Variants in DNAJC1 observed in about 807,000 individuals in gnomAD.
The protein encoded by DNAJC1 is DnaJ heat shock protein family (Hsp40) member C1.
Under a neutral mutation model 76.6 loss-of-function variants are expected in DNAJC1, and 58 were observed. The observed-to-expected ratio is 0.76, with a 90% CI of 0.61 to 0.94. DNAJC1 has a LOEUF of 0.94. Among genes scored for constraint, DNAJC1 ranks in the 40% least tolerant of loss-of-function variants. The probability of loss-of-function intolerance (pLI) is 0.00; values close to 1 mark genes in which losing one functional copy is unlikely to be tolerated. For missense variants in DNAJC1, 689 were observed against 677.3 expected, an observed-to-expected ratio of 1.02 and a Z score of -0.19; for synonymous variants, 258 against 267.9, an observed-to-expected ratio of 0.96 and a Z score of 0.36.
intron 8 of DNAJC1, among the ~76,000 whole-genome samples, chr10:21,835,328 C>T (rs150170030): frequency 0.012 from 1,838 of 152,162 alleles, 28 homozygotes; most frequent in African/African-American, 0.041. Context: ...CCCATCTGTA[C>T]GTCACCATCA....
intron 8 of DNAJC1, among the ~76,000 whole-genome samples, chr10:21,826,067 T>C (rs1287917231): frequency 6.6e-6 from 1 of 151,856 alleles, no homozygotes; most frequent in Non-Finnish European, 1.5e-5. Context: ...CAAAACCCTG[T>C]CTCTACTAAA....
At chr10:21,998,754 T>C (rs192338366) in intron 1 of DNAJC1, among the ~76,000 whole-genome samples, 254 of 152,350 alleles carry the variant, frequency 1.7e-3, no homozygotes, top group African/African-American at 5.8e-3. Flanking sequence ...AAGATTCTTC[T>C]GCTGCCTGAA....
chr10:21,990,000 T>C (rs1838303358), intron 1 of DNAJC1, among the ~76,000 whole-genome samples: 1 of 152,212 alleles, frequency 6.6e-6, no homozygotes, highest in South Asian at 2.1e-4. Context: ...GTGCAATTCT[T>C]AACAATGCCA....
intron 1 of DNAJC1, among the ~76,000 whole-genome samples, chr10:21,967,469 T>C (rs865984863): frequency 1.3e-5 from 2 of 152,222 alleles, no homozygotes; most frequent in Non-Finnish European, 2.9e-5. Flanking sequence ...GTCCCAGACC[T>C]GGAACCAACC....
intron 7 of DNAJC1, among the ~76,000 whole-genome samples, chr10:21,883,369 A>G (rs1836314892): frequency 6.6e-6 from 1 of 151,698 alleles, no homozygotes; most frequent in Non-Finnish European, 1.5e-5. Flanking sequence ...GCCTCATAAG[A>G]GTATTTTCAC....
intron 1 of DNAJC1, among the ~76,000 whole-genome samples, chr10:21,936,183 CT>C (rs1304593182): frequency 2.0e-5 from 3 of 152,068 alleles, no homozygotes; most frequent in African/African-American, 7.2e-5. Flanking sequence ...AGAGCTGTCC[CT>C]TTTTTGCCCT....
rs79096730 is a variant in DNAJC1, at chr10:21,833,543, G to A, written c.979-27444C>T. ...AACCAGTGAAGTGGGTGTGAATCAC[G>A]GCTATGTCATGTATTAGCTAAGCAG... is the stretch of plus-strand genomic sequence containing the variant. On this transcript the variant is annotated intron_variant, in intron 8 of 11. Coordinates refer to ENST00000376980, the MANE Select transcript of DNAJC1 (RefSeq NM_022365.4). 7.1e-3 allele frequency among the ~76,000 whole-genome samples: 1,083 copies of A among 152,220 alleles called. 5 individuals are homozygous for A. The highest frequency in any genetic ancestry group is 0.012 in the Non-Finnish European group (804 of 68,020).
intron 1 of DNAJC1, among the ~76,000 whole-genome samples, chr10:22,002,544 T>C (rs1838537220): frequency 6.6e-6 from 1 of 152,196 alleles, no homozygotes; most frequent in South Asian, 2.1e-4. Flanking sequence ...CCAAGTCCTT[T>C]GCTGCTCAAA....
intron 9 of DNAJC1, among the ~76,000 whole-genome samples, chr10:21,775,695 A>G (rs2131624275): frequency 6.6e-6 from 1 of 152,290 alleles, no homozygotes; most frequent in East Asian, 1.9e-4. Flanking sequence ...CAAATAGTAC[A>G]TAATACATTT....
chr10:21,830,834 C>T (rs903382462), intron 8 of DNAJC1, among the ~76,000 whole-genome samples: 1 of 152,146 alleles, frequency 6.6e-6, no homozygotes, highest in African/African-American at 2.4e-5. Context: ...TCAATTCAAA[C>T]ATTTTTTAAA....
intron 8 of DNAJC1, among the ~76,000 whole-genome samples, chr10:21,835,080 T>G (rs1341944913): frequency 6.6e-6 from 1 of 151,622 alleles, no homozygotes; most frequent in Non-Finnish European, 1.5e-5. Flanking sequence ...CACCCCCCAG[T>G]AGGGGCGGAA....
At chr10:21,905,009 C>G (rs1042250934) in intron 6 of DNAJC1, among the ~76,000 whole-genome samples, 1 of 151,916 alleles carries the variant, frequency 6.6e-6, no homozygotes, top group Non-Finnish European at 1.5e-5. Flanking sequence ...TTCATATTAG[C>G]CCTTTAACTA....
At chr10:21,773,759 A>G (rs911539208) in intron 9 of DNAJC1, among the ~76,000 whole-genome samples, 6 of 148,752 alleles carry the variant, frequency 4.0e-5, no homozygotes, top group East Asian at 3.9e-4. Context: ...TATAATTGTT[A>G]TATCTTCCTG....
intron 8 of DNAJC1, among the ~76,000 whole-genome samples, chr10:21,843,746 T>TA (rs1465242596): frequency 1.3e-5 from 2 of 151,766 alleles, no homozygotes; most frequent in African/African-American, 4.8e-5. Context: ...TACAATCTTT[T>TA]TTTTTTTTTT....
chr10:21,957,674 AT>A (rs1837713300), intron 1 of DNAJC1, among the ~76,000 whole-genome samples: 1 of 152,048 alleles, frequency 6.6e-6, no homozygotes, highest in East Asian at 1.9e-4. Flanking sequence ...CTTTTCAGTT[AT>A]TTAGTCTCTT....
At chr10:21,960,619 G>A (rs1032578665) in intron 1 of DNAJC1, among the ~76,000 whole-genome samples, 1 of 152,194 alleles carries the variant, frequency 6.6e-6, no homozygotes, top group African/African-American at 2.4e-5. Context: ...GAGCCCTGGA[G>A]GTTGAGGCTG....
chr10:21,932,304 C>G lies in DNAJC1; in HGVS notation c.223-3163G>C, dbSNP rs116876274. On this transcript the variant is annotated intron_variant, in intron 1 of 11. Coordinates refer to ENST00000376980, the MANE Select transcript of DNAJC1 (RefSeq NM_022365.4). ...GCAGTGAGCCACGATTGCACCACTA[C>G]ACTCCAGCCCGGGTGACACAGTGAA... Among the ~76,000 whole-genome samples, 310 of 152,292 alleles carry G rather than the reference C, an allele frequency of 2.0e-3. 1 individual carries two copies. The highest frequency in any genetic ancestry group is 3.7e-3 in the Non-Finnish European group (249 of 68,032).
At chr10:21,768,602 T>G (rs1834330546) in intron 9 of DNAJC1, among the ~76,000 whole-genome samples, 1 of 152,226 alleles carries the variant, frequency 6.6e-6, no homozygotes, top group Admixed American at 6.5e-5. Context: ...TGTTTTCCAT[T>G]CATACAAAGA....
intron 8 of DNAJC1, among the ~76,000 whole-genome samples, chr10:21,843,541 G>A (rs974729739): frequency 4.0e-5 from 6 of 151,622 alleles, no homozygotes; most frequent in Non-Finnish European, 7.4e-5. Flanking sequence ...GTACAGGCAC[G>A]TGCCACCATG....
Sources: allele counts gnomAD v4.1 joint callset (sites outside exome capture counted in the v4.1 genomes callset), GRCh38; gene constraint gnomAD v4.1.1; transcripts MANE v1.5; gene names NCBI Gene and HGNC (gene_info 2026-07-23, HGNC 2026-07-21).